TRIM71: variants seen among roughly 807,000 people sequenced by gnomAD.
The protein encoded by TRIM71 is E3 ubiquitin-protein ligase TRIM71.
TRIM71 carries 9 observed loss-of-function variants against 61.2 expected under a neutral mutation model. The observed-to-expected ratio is 0.15, with a 90% CI of 0.09 to 0.26. TRIM71 has a LOEUF of 0.26. TRIM71 is among the 10% of genes least tolerant of loss of function. The probability of loss-of-function intolerance (pLI) is 1.00; values close to 1 mark genes in which losing one functional copy is unlikely to be tolerated. For synonymous variants in TRIM71, 645 were observed against 553.2 expected, an observed-to-expected ratio of 1.17 and a Z score of -2.33; for missense variants, 998 against 1,238.7, an observed-to-expected ratio of 0.81 and a Z score of 2.92.
At chr3:32,836,762 CT>C (rs1696339067) in intron 1 of TRIM71, among the ~76,000 whole-genome samples, 1 of 152,120 alleles carries the variant, frequency 6.6e-6, no homozygotes, top group African/African-American at 2.4e-5. Context: ...TATGAAGGCC[CT>C]TAACTTGTGA....
At chr3:32,883,384 G>A (rs1184391307) in intron 2 of TRIM71, among the ~76,000 whole-genome samples, 4 of 152,168 alleles carry the variant, frequency 2.6e-5, no homozygotes, top group Non-Finnish European at 4.4e-5. Flanking sequence ...TCAAGGTGTC[G>A]GGACCATGCT....
chr3:32,891,508 C>G lies in TRIM71; in HGVS notation c.2304C>G (p.Asn768Lys). 6.2e-7 allele frequency: 1 copy of G among 1,613,488 alleles called. No individual in the cohort carries two copies. The highest frequency in any genetic ancestry group is 8.5e-7 in the Non-Finnish European group (1 of 1,179,668). ...EGHLVVTDFN[N>K]HRLLVIHPDC... ...ACTTGGTGGTCACTGACTTCAACAA[C>G]CACCGGCTCCTGGTTATTCACCCCG... Residue 768 changes from asparagine (N) to lysine (K), a missense_variant, in exon 4 of 4, where the codon AAC (asparagine) becomes AAG (lysine). Transcript: ENST00000383763. The surrounding 1 kb of genome is among the most constrained non-coding windows in gnomAD (Gnocchi z 8.2).
intron 3 of TRIM71, among the ~76,000 whole-genome samples, chr3:32,888,422 C>T: frequency 8.6e-6 from 1 of 116,126 alleles, no homozygotes; most frequent in Non-Finnish European, 1.6e-5. Flanking sequence ...AACATTAAGA[C>T]CCCATCTCTA....
At chr3:32,853,721 G>A (rs1224284391) in intron 1 of TRIM71, among the ~76,000 whole-genome samples, 1 of 152,118 alleles carries the variant, frequency 6.6e-6, no homozygotes, top group African/African-American at 2.4e-5. Flanking sequence ...AAAAGTTTGT[G>A]GGAGGCCTGG....
At chr3:32,886,613 A>C (rs1696964516) in intron 3 of TRIM71, among the ~76,000 whole-genome samples, 1 of 152,330 alleles carries the variant, frequency 6.6e-6, no homozygotes, top group South Asian at 2.1e-4. Flanking sequence ...TTCTGATTTT[A>C]TGTCCCCACT....
chr3:32,863,124 C>T (rs1305168361), intron 1 of TRIM71, among the ~76,000 whole-genome samples: 2 of 152,012 alleles, frequency 1.3e-5, no homozygotes, highest in African/African-American at 2.4e-5. Flanking sequence ...AAGCATCACC[C>T]CCTCAACAAC....
chr3:32,861,268 C>T (rs1172804387), intron 1 of TRIM71, among the ~76,000 whole-genome samples: 1 of 151,130 alleles, frequency 6.6e-6, no homozygotes, highest in Admixed American at 6.6e-5. Context: ...ACCTCCGCCT[C>T]CAGGTTCAAG....
Position 32,818,458 on chromosome 3 carries a change from T to C in TRIM71, c.378T>C (p.Thr126=). The change falls in exon 1 of 4, where the codon ACT becomes ACC. Residue 126 remains threonine, a synonymous_variant. Coordinates refer to ENST00000383763, the MANE Select transcript of TRIM71 (RefSeq NM_001039111.3). ...ACCTGCTCGACGCGGTGGTGGCCAC[T>C]GCCGACGAGCCGCCGCCCAAGAACG... is the stretch of plus-strand genomic sequence containing the variant. ...LSNLLDAVVA[T]ADEPPPKNGR... 1 of 1,457,636 alleles carries C rather than the reference T, an allele frequency of 6.9e-7. No homozygotes were observed. Among genetic ancestry groups the C allele is most frequent in the East Asian group, 3.1e-5 (1 of 32,146 alleles). The allele number at this position is 1,457,636 out of a possible 1,614,324, so 90.3% of individuals were successfully genotyped here. A position where few individuals can be genotyped will look rare whatever the true frequency, so the allele number is the denominator to read the frequency against.
chr3:32,865,374 T>C (rs1467137103), intron 1 of TRIM71, among the ~76,000 whole-genome samples: 2 of 151,856 alleles, frequency 1.3e-5, no homozygotes, highest in East Asian at 3.9e-4. Flanking sequence ...AAAAACCCAC[T>C]GTTGCAGCCT....
Position 32,818,497 on chromosome 3 carries a change from T to C in TRIM71, c.417T>C (p.Ala139=), listed in dbSNP as rs1487678035. ...CGCCCAAGAACGGGCGCGCCGGCGC[T>C]CCGGCGGGAGCGGGCGGCCACAGCA... ...EPPPKNGRAG[A]PAGAGGHSNH... is the part of the protein sequence containing the mutation. Residue 139 remains alanine (A), a synonymous_variant, in exon 1 of 4, where the codon GCT becomes GCC. Transcript: ENST00000383763. 2.1e-6 allele frequency: 3 copies of C among 1,424,686 alleles called. No individual in the cohort carries two copies. The highest frequency in any genetic ancestry group is 2.7e-6 in the Non-Finnish European group (3 of 1,092,440). 88.3% of individuals were successfully genotyped at this position (1,424,686 alleles called of 1,614,324 possible).
intron 1 of TRIM71, among the ~76,000 whole-genome samples, chr3:32,822,278 G>A (rs1696143545): frequency 6.6e-6 from 1 of 152,160 alleles, no homozygotes; most frequent in Non-Finnish European, 1.5e-5. Context: ...TCCCAGTTAG[G>A]CAGGTCTGGG....
intron 1 of TRIM71, among the ~76,000 whole-genome samples, chr3:32,846,220 C>T (rs1021816877): frequency 1.2e-4 from 18 of 151,800 alleles, no homozygotes; most frequent in Non-Finnish European, 1.3e-4. Context: ...GGACTACAGG[C>T]GCCTACCACC....
intron 2 of TRIM71, among the ~76,000 whole-genome samples, chr3:32,882,892 A>T (rs541510675): frequency 6.6e-6 from 1 of 152,276 alleles, no homozygotes; most frequent in South Asian, 2.1e-4. Context: ...AGTTGGTTTC[A>T]ATTTCAGATC....
chr3:32,845,040 C>G (rs946365503), intron 1 of TRIM71, among the ~76,000 whole-genome samples: 1 of 152,188 alleles, frequency 6.6e-6, no homozygotes, highest in Non-Finnish European at 1.5e-5. Context: ...CTAGGTGAGG[C>G]TGTGCATCTG....
In TRIM71 at chr3:32,818,430, G is replaced by A. The variant is rs960954135; in HGVS notation, c.350G>A (p.Ser117Asn). Residue 117 changes from serine to asparagine, a missense_variant, in exon 1 of 4, where the codon AGC becomes AAC. Ser to Asn is a conservative substitution (Grantham distance 46). Transcript: ENST00000383763. The part of the protein sequence containing the change: ...DALPSSAFLL[S>N]NLLDAVVATA... Reference sequence around the variant, plus strand: ...CTGCCTTCGTCCGCCTTCCTGCTTAGCAACCTGCTCGACGCGGTGGTGGCC... The same window carrying A: ...CTGCCTTCGTCCGCCTTCCTGCTTAACAACCTGCTCGACGCGGTGGTGGCC... 6 of 1,475,154 alleles carry A rather than the reference G, an allele frequency of 4.1e-6. No homozygotes were observed. The highest frequency in any genetic ancestry group is 3.6e-6 in the Non-Finnish European group (4 of 1,117,790). The allele number at this position is 1,475,154 out of a possible 1,614,324, so 91.4% of individuals were successfully genotyped here.
At chr3:32,886,335 C>A (rs1206663151) in intron 3 of TRIM71, among the ~76,000 whole-genome samples, 1 of 152,188 alleles carries the variant, frequency 6.6e-6, no homozygotes, top group Non-Finnish European at 1.5e-5. Context: ...TGCATTCACT[C>A]AAAAGGAGGC....
At chr3:32,880,633 A>G (rs1038230608) in intron 2 of TRIM71, among the ~76,000 whole-genome samples, 2 of 152,218 alleles carry the variant, frequency 1.3e-5, no homozygotes, top group Admixed American at 6.5e-5. Context: ...TGGCCATAAC[A>G]AGAACAGCAT....
chr3:32,846,372 G>A (rs1013365025), intron 1 of TRIM71, among the ~76,000 whole-genome samples: 4 of 152,170 alleles, frequency 2.6e-5, no homozygotes, highest in African/African-American at 9.7e-5. Context: ...ACTATGCCTG[G>A]CCACCACTTC....
intron 1 of TRIM71, among the ~76,000 whole-genome samples, chr3:32,849,149 A>G (rs1696509520): frequency 6.6e-6 from 1 of 152,172 alleles, no homozygotes; most frequent in African/African-American, 2.4e-5. Flanking sequence ...TATGTTGGAA[A>G]ATAAGCCCCT....
Sources: gnomAD v4.1 joint callset for allele counts (sites outside exome capture counted in the v4.1 genomes callset) on GRCh38, gnomAD v4.1.1 for gene constraint, Gnocchi (gnomAD v3.1) non-coding constraint, MANE v1.5 for transcripts, NCBI Gene and HGNC (gene_info 2026-07-23, HGNC 2026-07-21) for gene names.